Variants in INTS7 observed in about 807,000 individuals in gnomAD.
INTS7 encodes the protein chromosome 1 open reading frame 73.
A neutral mutation model predicts 109.2 loss-of-function variants in INTS7; 46 were observed. The ratio of observed to expected loss-of-function variants is 0.42; its 90% confidence interval spans 0.33 to 0.54. The LOEUF (loss-of-function observed/expected upper bound fraction) is 0.54. Among genes scored for constraint, INTS7 ranks in the 20% least tolerant of loss-of-function variants. The probability of loss-of-function intolerance (pLI) is 0.07; values close to 1 mark genes in which losing one functional copy is unlikely to be tolerated. For synonymous variants in INTS7, 412 were observed against 402.9 expected, an observed-to-expected ratio of 1.02 and a Z score of -0.27; for missense variants, 929 against 1,132.4, an observed-to-expected ratio of 0.82 and a Z score of 2.58.
chr1:211,956,990 T>A (rs1231546794), intron 16 of INTS7, among the ~76,000 whole-genome samples: 1 of 152,248 alleles, frequency 6.6e-6, no homozygotes, highest in Non-Finnish European at 1.5e-5. Flanking sequence ...TAACTTTATA[T>A]GACATTGTCA....
At chr1:211,973,370 T>G (rs1157688003) in intron 13 of INTS7, among the ~76,000 whole-genome samples, 2 of 152,254 alleles carry the variant, frequency 1.3e-5, no homozygotes, top group Non-Finnish European at 2.9e-5. Context: ...TTTATAATTT[T>G]TATTCCTAAG....
At chr1:211,980,165 C>T (rs1266018043) in intron 10 of INTS7, among the ~76,000 whole-genome samples, 2 of 152,172 alleles carry the variant, frequency 1.3e-5, no homozygotes, top group African/African-American at 2.4e-5. Context: ...TTGCCAAACA[C>T]ATGTTGTCTA....
chr1:211,952,372 G>A, intron 17 of INTS7, 197 bp downstream of exon 17: 1 of 444,188 alleles, frequency 2.3e-6, no homozygotes, highest in South Asian at 5.8e-5. Flanking sequence ...GTAGCAGCTA[G>A]AGATGTGCTA....
Position 211,942,840 on chromosome 1 carries a change from C to T in INTS7, c.2602-729G>A, listed in dbSNP as rs903651264. 6.6e-6 allele frequency among the ~76,000 whole-genome samples: 1 copy of T among 152,084 alleles called. No homozygotes were observed. The highest frequency in any genetic ancestry group is 1.5e-5 in the Non-Finnish European group (1 of 68,014). On this transcript the variant is annotated intron_variant, in intron 19 of 19. Coordinates refer to ENST00000366994, the MANE Select transcript of INTS7 (RefSeq NM_015434.4). This position sits in a 1 kb window ranked among gnomAD's most constrained non-coding sequence, Gnocchi z 4.2. ...ACTCTTACCTGTACCCAAGATGAAA[C>T]GTGTCAAGAGACAGATTTATCCTGA... is the stretch of plus-strand genomic sequence containing the variant.
intron 5 of INTS7, among the ~76,000 whole-genome samples, chr1:212,008,466 T>C (rs1666031075): frequency 6.6e-6 from 1 of 152,206 alleles, no homozygotes; most frequent in Non-Finnish European, 1.5e-5. Context: ...CGCTTTAATT[T>C]CTGATATTCC....
chr1:211,953,193 A>G (rs1454245677), intron 16 of INTS7, among the ~76,000 whole-genome samples: 1 of 152,162 alleles, frequency 6.6e-6, no homozygotes, highest in Non-Finnish European at 1.5e-5. Flanking sequence ...CAGGACATTC[A>G]TAGCTAGAGA....
At chr1:211,963,747 C>T (rs1348283717) in intron 16 of INTS7, among the ~76,000 whole-genome samples, 1 of 152,060 alleles carries the variant, frequency 6.6e-6, no homozygotes, top group African/African-American at 2.4e-5. Context: ...ACATGATCAT[C>T]TCAATCAATG....
rs1333059100 is a variant in INTS7, at chr1:211,940,737, A to G, written c.*1087T>C. On this transcript the variant is annotated 3_prime_UTR_variant, in exon 20 of 20. Transcript: ENST00000366994. Reference sequence around the variant, plus strand: ...GTGTAATAAAGAGACTGCTCTCTCTAAACAATCAGTCTAGCATAACTCATC... The same window carrying G: ...GTGTAATAAAGAGACTGCTCTCTCTGAACAATCAGTCTAGCATAACTCATC... 1 of 152,214 alleles carries G rather than the reference A, an allele frequency of 6.6e-6. No homozygotes were observed. Among genetic ancestry groups the G allele is most frequent in the Non-Finnish European group, 1.5e-5 (1 of 68,038 alleles). 9.4% of individuals were successfully genotyped at this position (152,214 alleles called of 1,614,324 possible).
intron 10 of INTS7, 42 bp from the exon 11 acceptor site, chr1:211,978,553 T>C (rs1367176629): frequency 6.2e-7 from 1 of 1,610,508 alleles, no homozygotes; most frequent in East Asian, 2.2e-5. Context: ...ATTTTGAAGA[T>C]ACAGATGAAG....
intron 4 of INTS7, among the ~76,000 whole-genome samples, chr1:212,015,068 G>A (rs1442500962): frequency 1.4e-5 from 2 of 142,034 alleles, no homozygotes; most frequent in Admixed American, 1.3e-4. Context: ...CCGCCCGGCA[G>A]CCGCCCCATC....
At chr1:212,019,254 A>T (rs1666585914) in intron 3 of INTS7, among the ~76,000 whole-genome samples, 1 of 152,180 alleles carries the variant, frequency 6.6e-6, no homozygotes, top group Non-Finnish European at 1.5e-5. Flanking sequence ...CCATCTCAAT[A>T]AATAAATTAA....
At chr1:212,004,317 G>A (rs1411653823) in intron 7 of INTS7, among the ~76,000 whole-genome samples, 1 of 152,068 alleles carries the variant, frequency 6.6e-6, no homozygotes, top group Non-Finnish European at 1.5e-5. Flanking sequence ...ACTCCAGCCT[G>A]GGTGACAGAG....
Position 212,008,370 on chromosome 1 carries a change from C to A in INTS7, c.557-921G>T, listed in dbSNP as rs561030777. On this transcript the variant is annotated intron_variant, in intron 5 of 19. Coordinates refer to ENST00000366994, the MANE Select transcript of INTS7 (RefSeq NM_015434.4). The stretch of plus-strand genomic sequence containing the variant: ...TATCTTTGAAACTCACTCCTAATGG[C>A]TTTGGCTCTTCCACTTTTACTGTTT... Among the ~76,000 whole-genome samples the A allele has an allele frequency of 2.0e-5, 3 of 152,282 alleles. No individual in the cohort carries two copies. In the East Asian group the frequency reaches 5.8e-4, roughly 29 times the overall value.
chr1:211,950,463 G>C (rs1004407159), intron 17 of INTS7, among the ~76,000 whole-genome samples: 1 of 152,012 alleles, frequency 6.6e-6, no homozygotes, highest in Admixed American at 6.6e-5. Flanking sequence ...GTACAGATGG[G>C]GTTTCACCAT....
intron 1 of INTS7, among the ~76,000 whole-genome samples, chr1:212,034,068 G>GTCTCTGTCTC (rs1240203256): frequency 5.9e-5 from 9 of 151,756 alleles, no homozygotes; most frequent in Non-Finnish European, 1.5e-5. Context: ...GGGCAACAGA[G>GTCTCTGTCTC]CAACACTCTG....
chr1:211,942,949 T>C lies in INTS7; in HGVS notation c.2602-838A>G, dbSNP rs151158714. On this transcript the variant is annotated intron_variant, in intron 19 of 19. Coordinates refer to ENST00000366994, the MANE Select transcript of INTS7 (RefSeq NM_015434.4). The surrounding 1 kb of genome is among the most constrained non-coding windows in gnomAD (Gnocchi z 4.2). ...CGTGTTTCTGTGGTGTAATTAATTA[T>C]ATAAATGTGCCCTGCAGCTTTGTGT... Among the ~76,000 whole-genome samples, 857 of 152,302 alleles carry C rather than the reference T, an allele frequency of 5.6e-3. 6 individuals carry two copies. The highest frequency in any genetic ancestry group is 0.02 in the African/African-American group (812 of 41,582).
chr1:211,966,575 G>A, intron 15 of INTS7, 77 bp from the exon 16 acceptor site: 1 of 868,688 alleles, frequency 1.2e-6, no homozygotes, highest in Non-Finnish European at 1.9e-6. Flanking sequence ...ATACTAAATT[G>A]GTCAAGATTT....
At chr1:212,013,789 T>C (rs1193455008) in intron 4 of INTS7, among the ~76,000 whole-genome samples, 1 of 152,258 alleles carries the variant, frequency 6.6e-6, no homozygotes, top group African/African-American at 2.4e-5. Flanking sequence ...AAACATGCTG[T>C]ACAGGTTTAC....
chr1:211,951,735 C>T (rs1351500611), intron 17 of INTS7, among the ~76,000 whole-genome samples: 1 of 152,222 alleles, frequency 6.6e-6, no homozygotes, highest in Non-Finnish European at 1.5e-5. Flanking sequence ...ACCGAATCTG[C>T]TGGCAGCTTG....
Sources: gnomAD v4.1 joint callset for allele counts (sites outside exome capture counted in the v4.1 genomes callset) on GRCh38, gnomAD v4.1.1 for gene constraint, Gnocchi (gnomAD v3.1) non-coding constraint, MANE v1.5 for transcripts, NCBI Gene and HGNC (gene_info 2026-07-23, HGNC 2026-07-21) for gene names.